The following LIPK variants were observed in gnomAD, a reference collection of about 807,000 sequenced individuals.
LIPK encodes lipase member K.
A neutral mutation model predicts 48.6 loss-of-function variants in LIPK; 32 were observed. That is an observed-to-expected ratio of 0.66 (90% CI 0.50 to 0.88). The LOEUF (loss-of-function observed/expected upper bound fraction) is 0.88. Among genes scored for constraint, LIPK ranks in the 40% least tolerant of loss-of-function variants. The pLI is 0.00. For missense variants in LIPK, 507 were observed against 478.5 expected (o/e 1.06, Z -0.56); for synonymous variants, 164 against 157.4 (o/e 1.04, Z -0.32).
At chr10:88,723,476 T>C (rs1271640280) in intron 1 of LIPK, among the ~76,000 whole-genome samples, 2 of 152,124 alleles carry the variant, frequency 1.3e-5, no homozygotes, top group Non-Finnish European at 2.9e-5. Context: ...GATCTGTATT[T>C]TATAAGTAAC....
At chr10:88,710,645 T>C (rs918694416) in intron 1 of LIPK, among the ~76,000 whole-genome samples, 1 of 152,186 alleles carries the variant, frequency 6.6e-6, no homozygotes, top group Non-Finnish European at 1.5e-5. Flanking sequence ...TTTGTGATAT[T>C]TATCCAGGCT....
chr10:88,718,838 A>G lies in LIPK; in HGVS notation c.-11-5695A>G, dbSNP rs573757478. ...ATTAAATAGGTAAAGTACTCTATAC[A>G]GTGAAAAATGAATATTATTAATAGA... is the stretch of plus-strand genomic sequence containing the variant. On this transcript the variant is annotated intron_variant, in intron 1 of 9. Coordinates refer to ENST00000404190, the MANE Select transcript of LIPK (RefSeq NM_001080518.2). 2.0e-5 allele frequency among the ~76,000 whole-genome samples: 3 copies of G among 152,190 alleles called. No individual in the cohort carries two copies. The East Asian group carries it at 5.8e-4, about 29-fold the overall frequency.
chr10:88,737,888 A>G (rs922035233), intron 7 of LIPK, 107 bp downstream of exon 7: 6 of 1,222,394 alleles, frequency 4.9e-6, no homozygotes, highest in African/African-American at 4.5e-5. Flanking sequence ...TCCTTTTTGC[A>G]TTTGGAATGT....
intron 6 of LIPK, among the ~76,000 whole-genome samples, chr10:88,736,156 G>GAGGGAGAGGTAT (rs1169904308): frequency 1.1e-5 from 1 of 93,452 alleles, no homozygotes; most frequent in African/African-American, 3.7e-5. Flanking sequence ...GGAAGGGAAG[G>GAGGGAGAGGTAT]AGGGAGAGGG....
At chr10:88,734,943 G>A (rs911842284) in intron 6 of LIPK, among the ~76,000 whole-genome samples, 3 of 152,162 alleles carry the variant, frequency 2.0e-5, no homozygotes, top group South Asian at 2.1e-4. Flanking sequence ...TTTTATGGGA[G>A]CTTCTGGACT....
rs1443150843 is a variant in LIPK at position 88,730,974 on chromosome 10, GT to G, written c.224-5del. On this transcript the variant is annotated splice_polypyrimidine_tract_variant and splice_region_variant and intron_variant, in intron 3 of 9. Transcript: ENST00000404190. Reference sequence around the variant, plus strand: ...CAAATATGAAATTCTTGTTGCCTGTGTTTTGCAGCTCCAAAGCCTGCTGTGT... The same window carrying G: ...CAAATATGAAATTCTTGTTGCCTGTGTTTGCAGCTCCAAAGCCTGCTGTGT... 1.9e-6 allele frequency: 3 copies of G among 1,555,090 alleles called. No individual in the cohort carries two copies. The highest frequency in any genetic ancestry group is 2.6e-6 in the Non-Finnish European group (3 of 1,153,644).
intron 6 of LIPK, among the ~76,000 whole-genome samples, chr10:88,733,656 T>G (rs1413626837): frequency 2.0e-5 from 3 of 152,250 alleles, no homozygotes; most frequent in Non-Finnish European, 1.5e-5. Flanking sequence ...GTCAGACTTT[T>G]TGCTTAATTA....
intron 9 of LIPK, among the ~76,000 whole-genome samples, chr10:88,747,412 G>C (rs971799834): frequency 2.6e-5 from 4 of 152,088 alleles, no homozygotes; most frequent in African/African-American, 9.7e-5. Flanking sequence ...CAAAAAGCTA[G>C]TCCACAACAA....
intron 6 of LIPK, among the ~76,000 whole-genome samples, chr10:88,735,419 G>A (rs1174268897): frequency 6.6e-6 from 1 of 152,234 alleles, no homozygotes; most frequent in Non-Finnish European, 1.5e-5. Context: ...AACCTAAGCA[G>A]CCTGTCCCGA....
At chr10:88,732,696 T>C (rs1393187408) in intron 6 of LIPK, 145 bp downstream of exon 6, 13 of 840,478 alleles carry the variant, frequency 1.5e-5, no homozygotes, top group Non-Finnish European at 2.2e-5. Flanking sequence ...TGATGATGTA[T>C]GCAATCTTAT....
intron 8 of LIPK, among the ~76,000 whole-genome samples, chr10:88,740,871 G>C (rs776254219): frequency 6.6e-6 from 1 of 152,058 alleles, no homozygotes; most frequent in Non-Finnish European, 1.5e-5. Flanking sequence ...CCCTGTTTTA[G>C]AGAATCGCTA....
intron 6 of LIPK, among the ~76,000 whole-genome samples, chr10:88,734,509 A>G (rs1470797655): frequency 6.6e-6 from 1 of 152,222 alleles, no homozygotes; most frequent in Admixed American, 6.5e-5. Flanking sequence ...AATGTATTAT[A>G]TAAGTAATTG....
At chr10:88,721,669 C>A (rs1842227189) in intron 1 of LIPK, among the ~76,000 whole-genome samples, 1 of 152,208 alleles carries the variant, frequency 6.6e-6, no homozygotes. Flanking sequence ...TCCCCTGCAA[C>A]ATTACAACAC....
At chr10:88,752,472 T>C (rs754863172) in intron 9 of LIPK, 45 bp from the exon 10 acceptor site, 60 of 1,391,524 alleles carry the variant, frequency 4.3e-5, no homozygotes, top group African/African-American at 1.1e-4. Context: ...TTCTATAATG[T>C]AATATTCTGT....
chr10:88,732,249 G>T lies in LIPK; in HGVS notation c.494G>T (p.Arg165Leu). The T allele has an allele frequency of 1.2e-6, 2 of 1,613,952 alleles. No homozygotes were observed. Among genetic ancestry groups the T allele is most frequent in the South Asian group, 2.2e-5 (2 of 91,022 alleles). The change falls in exon 5 of 10, where the codon CGA becomes CTA. Residue 165 changes from arginine to leucine, a missense_variant. Physicochemically the swap from Arg to Leu is moderately radical, Grantham distance 102. Coordinates refer to ENST00000404190, the MANE Select transcript of LIPK (RefSeq NM_001080518.2). The stretch of plus-strand genomic sequence containing the variant: ...ATCATAGAGAAAACTGGACAGAAGC[G>T]ACTCTACTACGTGGGCCACTCACAA... ...NFIIEKTGQK[R>L]LYYVGHSQGT...
At chr10:88,721,459 A>T (rs978668465) in intron 1 of LIPK, among the ~76,000 whole-genome samples, 2 of 152,232 alleles carry the variant, frequency 1.3e-5, no homozygotes, top group African/African-American at 4.8e-5. Flanking sequence ...GAACACGTAT[A>T]GACTCCTCTT....
chr10:88,749,017 C>A (rs1004903928), intron 9 of LIPK, among the ~76,000 whole-genome samples: 6 of 151,974 alleles, frequency 3.9e-5, no homozygotes, highest in Non-Finnish European at 5.9e-5. Context: ...GAACATAATC[C>A]CAATCATAAT....
chr10:88,730,985 C>A lies in LIPK; in HGVS notation c.226C>A (p.Pro76Thr). Residue 76 changes from proline to threonine, a missense_variant and splice_region_variant, in exon 4 of 10, where the codon CCA (proline) becomes ACA (threonine). Pro to Thr is a conservative substitution (Grantham distance 38). Transcript: ENST00000404190. Reference sequence around the variant, plus strand: ...TTCTTGTTGCCTGTGTTTTGCAGCTCCAAAGCCTGCTGTGTATTTGCAGCA... The same window carrying A: ...TTCTTGTTGCCTGTGTTTTGCAGCTACAAAGCCTGCTGTGTATTTGCAGCA... ...HGRGCPGRTA[P>T]KPAVYLQHGL... 1 of 1,571,874 alleles carries A rather than the reference C, an allele frequency of 6.4e-7. No individual in the cohort carries two copies. Among genetic ancestry groups the A allele is most frequent in the Non-Finnish European group, 8.6e-7 (1 of 1,159,678 alleles).
At chr10:88,727,851 A>G in intron 3 of LIPK, 1 of 365,666 alleles carries the variant, frequency 2.7e-6, no homozygotes, top group South Asian at 2.6e-5. Context: ...TTCATTGACA[A>G]AGTGTGGTTC....
Sources: gnomAD v4.1 joint callset for allele counts (sites outside exome capture counted in the v4.1 genomes callset) on GRCh38, gnomAD v4.1.1 for gene constraint, MANE v1.5 for transcripts, NCBI Gene and HGNC (gene_info 2026-07-23, HGNC 2026-07-21) for gene names.